The following TBC1D8 variants were observed in gnomAD, a reference collection of about 807,000 sequenced individuals.
The protein encoded by TBC1D8 is TBC1 domain family member 8.
TBC1D8 carries 65 observed loss-of-function variants against 118.8 expected under a neutral mutation model. The observed-to-expected ratio is 0.55, with a 90% confidence interval of 0.45 to 0.67. The LOEUF (loss-of-function observed/expected upper bound fraction) is 0.67, where lower values mean the gene tolerates loss of function less well. Among genes scored for constraint, TBC1D8 ranks in the 30% least tolerant of loss-of-function variants. TBC1D8 has a pLI of 0.00. For missense variants in TBC1D8, 1,376 were observed against 1,471.2 expected (o/e 0.94, Z 1.06); for synonymous variants, 566 against 595.8 (o/e 0.95, Z 0.73).
intron 1 of TBC1D8, among the ~76,000 whole-genome samples, chr2:101,105,949 A>G (rs1271639772): frequency 1.3e-5 from 2 of 152,280 alleles, no homozygotes; most frequent in South Asian, 4.1e-4. Flanking sequence ...TAATTATCTA[A>G]AACTGGATGC....
intron 1 of TBC1D8, among the ~76,000 whole-genome samples, chr2:101,104,739 G>A (rs993782586): frequency 6.6e-6 from 1 of 152,158 alleles, no homozygotes; most frequent in East Asian, 1.9e-4. Flanking sequence ...ACATAGGTCA[G>A]GCGCGGTGGC....
intron 2 of TBC1D8, among the ~76,000 whole-genome samples, chr2:101,069,453 G>T (rs1249073224): frequency 6.6e-6 from 1 of 151,972 alleles, no homozygotes; most frequent in Admixed American, 6.6e-5. Context: ...GGGCGTGGTG[G>T]TGCTTGCCTG....
At chr2:101,069,021 C>T (rs1427712754) in intron 2 of TBC1D8, among the ~76,000 whole-genome samples, 1 of 148,574 alleles carries the variant, frequency 6.7e-6, no homozygotes, top group African/African-American at 2.5e-5. Flanking sequence ...AAAAAAAAGG[C>T]CAGGCATGGT....
chr2:101,007,696 G>GTTGT lies in TBC1D8; in HGVS notation c.*121_*124dup. The GTTGT allele has an allele frequency of 1.0e-6, 1 of 975,334 alleles. No individual in the cohort carries two copies. Among genetic ancestry groups the GTTGT allele is most frequent in the Non-Finnish European group, 1.5e-6 (1 of 652,030 alleles). The allele number at this position is 975,334 out of a possible 1,614,324, so 60.4% of individuals were successfully genotyped here. A position where few individuals can be genotyped will look rare whatever the true frequency, so the allele number is the denominator to read the frequency against. On this transcript the variant is annotated 3_prime_UTR_variant, in exon 20 of 20. Transcript: ENST00000409318. ...GGTTCCCCTGGCCACAGTTTGTCAG[G>GTTGT]TTGTTTAGCCAGATGCCCCATTGGT...
rs140551042 is a variant in TBC1D8 at position 101,087,160 on chromosome 2, C to T, written c.283+3049G>A. On this transcript the variant is annotated intron_variant, in intron 2 of 19. Transcript: ENST00000409318. ...AAAGCCCTCCTGGGCCGCACGCAAC[C>T]AGCAGGCCACAGGTTGGACAAGCTT... Among the ~76,000 whole-genome samples, 1,219 of 152,284 alleles carry T rather than the reference C, an allele frequency of 8.0e-3. 19 individuals carry two copies. The highest frequency in any genetic ancestry group is 0.027 in the African/African-American group (1,133 of 41,548).
At chr2:101,042,629 G>A (rs1190925454) in intron 5 of TBC1D8, among the ~76,000 whole-genome samples, 1 of 151,978 alleles carries the variant, frequency 6.6e-6, no homozygotes, top group Non-Finnish European at 1.5e-5. Context: ...AAAATTTCCA[G>A]ACAGAGATGT....
At chr2:101,049,280 CAAG>C (rs1194395495) in intron 5 of TBC1D8, among the ~76,000 whole-genome samples, 1 of 152,236 alleles carries the variant, frequency 6.6e-6, no homozygotes, top group Non-Finnish European at 1.5e-5. Context: ...AACTATCTCA[CAAG>C]TCTCTAGGAT....
At chr2:101,056,323 T>C (rs2121364) in intron 3 of TBC1D8, among the ~76,000 whole-genome samples, 98,475 of 150,992 alleles carry the variant, frequency 0.65, 32,514 homozygotes, top group Middle Eastern at 0.8. Context: ...CCTGCCTCAG[T>C]CTCCCAAGTA....
chr2:101,142,581 A>T (rs902160399), intron 1 of TBC1D8, among the ~76,000 whole-genome samples: 2 of 152,238 alleles, frequency 1.3e-5, no homozygotes, highest in Non-Finnish European at 2.9e-5. Context: ...ATCCATGAAA[A>T]TGAATGAACC....
At chr2:101,105,025 CAA>C (rs4069926) in intron 1 of TBC1D8, among the ~76,000 whole-genome samples, 19,803 of 115,626 alleles carry the variant, frequency 0.17, 1,414 homozygotes, top group Middle Eastern at 0.3. Flanking sequence ...AACTCTATCT[CAA>C]AAAAAAAAAA....
chr2:101,038,521 C>A lies in TBC1D8; in HGVS notation c.1215G>T (p.Arg405Ser). The A allele has an allele frequency of 6.2e-7, 1 of 1,613,854 alleles. No individual in the cohort carries two copies. Among genetic ancestry groups the A allele is most frequent in the Non-Finnish European group, 8.5e-7 (1 of 1,179,872 alleles). Reference sequence around the variant, plus strand: ...GGTGGTTGGCGTGGACCTGCTTCAACCTCGCAAGCAGCGCCTCCACCAGGC... The same window carrying A: ...GGTGGTTGGCGTGGACCTGCTTCAAACTCGCAAGCAGCGCCTCCACCAGGC... ...RDSLVEALLA[R>S]LKQVHANHPV... is the part of the protein sequence containing the mutation. The change falls in exon 7 of 20, where the codon AGG becomes AGT. Residue 405 changes from arginine (R) to serine (S), a missense_variant. Arg to Ser is a moderately radical substitution (Grantham distance 110). Coordinates refer to ENST00000409318, the MANE Select transcript of TBC1D8 (RefSeq NM_001330348.2).
intron 5 of TBC1D8, among the ~76,000 whole-genome samples, chr2:101,045,121 C>T (rs1046722834): frequency 1.3e-5 from 2 of 152,160 alleles, no homozygotes; most frequent in Non-Finnish European, 2.9e-5. Flanking sequence ...GAACAACAAA[C>T]ATCAGATTTG....
intron 17 of TBC1D8, chr2:101,019,831 G>A (rs1573876007): frequency 6.6e-6 from 1 of 152,310 alleles, no homozygotes; most frequent in Non-Finnish European, 1.5e-5. Context: ...CACTTTGGGG[G>A]GCTGAGGCAG....
chr2:101,109,813 A>C (rs979970158), intron 1 of TBC1D8: 2 of 985,350 alleles, frequency 2.0e-6, no homozygotes, highest in Non-Finnish European at 2.4e-6. Context: ...TTATTTTTAA[A>C]AATACTACAT....
In TBC1D8 at chr2:101,059,469, G is replaced by A. The variant is rs377034965; in HGVS notation, c.354C>T (p.Val118=). 4.4e-4 allele frequency: 715 copies of A among 1,613,726 alleles called. No individual in the cohort carries two copies. Among genetic ancestry groups the A allele is most frequent in the Non-Finnish European group, 5.9e-4 (696 of 1,179,838 alleles). The change falls in exon 3 of 20, where the codon GTC becomes GTT. Residue 118 remains valine (V), a synonymous_variant. Coordinates refer to ENST00000409318, the MANE Select transcript of TBC1D8 (RefSeq NM_001330348.2). Reference sequence around the variant, plus strand: ...TGGCAATGTCATCTTTATTATCAAAGACAGACAAGGTGTGGAGGAGATTTT... The same window carrying A: ...TGGCAATGTCATCTTTATTATCAAAAACAGACAAGGTGTGGAGGAGATTTT... The part of the protein sequence containing the change: ...LEQNLLHTLS[V]FDNKDDIASF...
rs1026152314 is a variant in TBC1D8, at chr2:101,022,881, G to A, written c.2521-360C>T. Among the ~76,000 whole-genome samples the A allele has an allele frequency of 1.5e-3, 233 of 152,096 alleles. 2 individuals carry two copies. Among genetic ancestry groups the A allele is most frequent in the Non-Finnish European group, 2.6e-4 (18 of 67,990 alleles). The stretch of plus-strand genomic sequence containing the variant: ...TTTTTGGCCAGGCGTGGTGGCTCAC[G>A]CCTGTAATCCTAGCACTTTGGGAGA... On this transcript the variant is annotated intron_variant, in intron 15 of 19. Coordinates refer to ENST00000409318, the MANE Select transcript of TBC1D8 (RefSeq NM_001330348.2).
In TBC1D8 at chr2:101,028,323, G is replaced by A. The variant is rs1166980799; in HGVS notation, c.2332C>T (p.Leu778=). The A allele has an allele frequency of 6.2e-7, 1 of 1,612,760 alleles. No homozygotes were observed. The highest frequency in any genetic ancestry group is 1.7e-5 in the Admixed American group (1 of 59,882). The change falls in exon 13 of 20, where the codon CTG becomes TTG. Residue 778 remains leucine, a synonymous_variant. Transcript: ENST00000409318. ...EPYPVTDISD[L]IRDSYEKFGD... is the part of the protein sequence containing the mutation. ...GTTACCTCATAGGAATCCCGGATCA[G>A]GTCCGAAATATCAGTCACAGGGTAG... is the stretch of plus-strand genomic sequence containing the variant.
chr2:101,030,937 T>G (rs1680634893), intron 11 of TBC1D8, among the ~76,000 whole-genome samples: 1 of 152,166 alleles, frequency 6.6e-6, no homozygotes, highest in Admixed American at 6.5e-5. Flanking sequence ...GTAGGCCAAA[T>G]TAACCCATGG....
In TBC1D8 at chr2:101,021,885, G is replaced by A. The variant is rs572292485; in HGVS notation, c.2762-139C>T. ...TCTCCTGCCCCAGACACACACCATG[G>A]TAGCAATGAAAGTGTTAAAGACTGG... On this transcript the variant is annotated intron_variant, in intron 16 of 19. Transcript: ENST00000409318. 25 of 645,072 alleles carry A rather than the reference G, an allele frequency of 3.9e-5. No homozygotes were observed. The South Asian group carries it at 4.1e-4, about 11-fold the overall frequency. The allele number at this position is 645,072 out of a possible 1,614,324, so 40.0% of individuals were successfully genotyped here.
Sources: allele counts gnomAD v4.1 joint callset (sites outside exome capture counted in the v4.1 genomes callset), GRCh38; gene constraint gnomAD v4.1.1; transcripts MANE v1.5; gene names NCBI Gene and HGNC (gene_info 2026-07-23, HGNC 2026-07-21).